Variants in DPP10 observed in about 807,000 individuals in gnomAD.
DPP10 encodes the protein dipeptidyl peptidase like 10, also known as inactive dipeptidyl peptidase 10.
A neutral mutation model predicts 120.9 loss-of-function variants in DPP10; 33 were observed. The observed-to-expected ratio is 0.27, with a 90% CI of 0.21 to 0.37. DPP10 has a LOEUF of 0.37. Ranked by LOEUF, DPP10 falls within the 10% of genes least tolerant of loss-of-function variation. The probability of loss-of-function intolerance (pLI) is 1.00; values close to 1 mark genes in which losing one functional copy is unlikely to be tolerated. For synonymous variants in DPP10, 337 were observed against 326.1 expected (o/e 1.03, Z -0.36); for missense variants, 816 against 942.8 (o/e 0.87, Z 1.76).
intron 8 of DPP10, among the ~76,000 whole-genome samples, chr2:115,736,662 C>T (rs1676541604): frequency 1.3e-5 from 2 of 152,020 alleles, no homozygotes; most frequent in Admixed American, 1.3e-4. Context: ...TTCCTCATTA[C>T]ATTATCTCAA....
At chr2:114,665,561 A>C (rs1220238448) in intron 1 of DPP10, among the ~76,000 whole-genome samples, 1 of 152,230 alleles carries the variant, frequency 6.6e-6, no homozygotes, top group African/African-American at 2.4e-5. Flanking sequence ...GGAAGCTGTC[A>C]TTGGAATGTC....
intron 1 of DPP10, among the ~76,000 whole-genome samples, chr2:114,930,992 G>A (rs762245827): frequency 5.3e-5 from 8 of 152,206 alleles, no homozygotes; most frequent in Non-Finnish European, 1.2e-4. Context: ...GGGACCAAAT[G>A]TCAACATGAG....
chr2:115,086,300 A>C (rs1053229847), intron 1 of DPP10, among the ~76,000 whole-genome samples: 3 of 152,086 alleles, frequency 2.0e-5, no homozygotes, highest in Non-Finnish European at 4.4e-5. Context: ...CTTAACCCGA[A>C]TATTTCTTTT....
At chr2:114,473,486 T>C (rs1680109034) in intron 1 of DPP10, among the ~76,000 whole-genome samples, 3 of 152,228 alleles carry the variant, frequency 2.0e-5, no homozygotes, top group Admixed American at 2.0e-4. Context: ...AGATTTAATT[T>C]TTTGAAGATC....
chr2:115,340,125 A>T (rs1011893506), intron 2 of DPP10, among the ~76,000 whole-genome samples: 2 of 152,228 alleles, frequency 1.3e-5, no homozygotes, highest in Non-Finnish European at 2.9e-5. Flanking sequence ...AAATGCATAC[A>T]TAGTATAATT....
At chr2:114,583,145 C>CTTA (rs1179447701) in intron 1 of DPP10, among the ~76,000 whole-genome samples, 1 of 152,056 alleles carries the variant, frequency 6.6e-6, no homozygotes, top group Non-Finnish European at 1.5e-5. Context: ...ATTGTATGTC[C>CTTA]CATATTTTGT....
chr2:115,376,027 G>A (rs934646665), intron 3 of DPP10, among the ~76,000 whole-genome samples: 2 of 152,096 alleles, frequency 1.3e-5, no homozygotes, highest in African/African-American at 4.8e-5. Context: ...GCCCAGAAAT[G>A]AGGCATTAGT....
chr2:114,654,294 A>G (rs1265609897), intron 1 of DPP10, among the ~76,000 whole-genome samples: 1 of 152,172 alleles, frequency 6.6e-6, no homozygotes, highest in Non-Finnish European at 1.5e-5. Flanking sequence ...TTCCCATTAC[A>G]TGACTTTTGA....
intron 1 of DPP10, among the ~76,000 whole-genome samples, chr2:114,896,020 G>A (rs1314595343): frequency 1.3e-5 from 2 of 151,950 alleles, no homozygotes; most frequent in Non-Finnish European, 2.9e-5. Context: ...TTTTTCTCAG[G>A]TTTGTCAAAG....
At chr2:115,507,901 A>G (rs1352987625) in intron 4 of DPP10, among the ~76,000 whole-genome samples, 1 of 152,126 alleles carries the variant, frequency 6.6e-6, no homozygotes, top group African/African-American at 2.4e-5. Context: ...TGGAGAAGGT[A>G]AAAAGTAGGT....
intron 5 of DPP10, among the ~76,000 whole-genome samples, chr2:115,681,573 A>C (rs1031229467): frequency 2.6e-5 from 4 of 151,810 alleles, no homozygotes; most frequent in African/African-American, 9.7e-5. Context: ...GTAATAACCA[A>C]AAAATTTCCA....
chr2:115,411,972 G>A (rs1414736186), intron 3 of DPP10, among the ~76,000 whole-genome samples: 1 of 152,132 alleles, frequency 6.6e-6, no homozygotes, highest in African/African-American at 2.4e-5. Context: ...TTTTAAGAAA[G>A]CAATTGCAGG....
At chr2:115,033,897 T>C (rs1221677999) in intron 1 of DPP10, among the ~76,000 whole-genome samples, 1 of 132,750 alleles carries the variant, frequency 7.5e-6, no homozygotes, top group East Asian at 2.1e-4. Flanking sequence ...CTTTTTCTTT[T>C]TTTTTTTTTT....
intron 1 of DPP10, among the ~76,000 whole-genome samples, chr2:115,118,405 C>A (rs1181630420): frequency 6.6e-6 from 1 of 152,128 alleles, no homozygotes; most frequent in Non-Finnish European, 1.5e-5. Flanking sequence ...CAATATTAGG[C>A]AATTTTTAAA....
chr2:114,883,444 A>G (rs1691809494), intron 1 of DPP10, among the ~76,000 whole-genome samples: 1 of 152,216 alleles, frequency 6.6e-6, no homozygotes, highest in Non-Finnish European at 1.5e-5. Flanking sequence ...TCATCCTTCC[A>G]GTAAGCAGCT....
chr2:114,868,226 T>C (rs777379588), intron 1 of DPP10, among the ~76,000 whole-genome samples: 1 of 152,182 alleles, frequency 6.6e-6, no homozygotes, highest in Non-Finnish European at 1.5e-5. Flanking sequence ...GCTGAATCCT[T>C]GATTAGGCCT....
chr2:115,841,123 C>T (rs1690097847), intron 25 of DPP10, among the ~76,000 whole-genome samples: 1 of 151,948 alleles, frequency 6.6e-6, no homozygotes, highest in Admixed American at 6.6e-5. Flanking sequence ...TTCCTTTTAT[C>T]TTTTCTTCCT....
intron 5 of DPP10, among the ~76,000 whole-genome samples, chr2:115,668,412 C>T (rs547969013): frequency 6.6e-6 from 1 of 152,182 alleles, no homozygotes; most frequent in African/African-American, 2.4e-5. Context: ...GCTCATTCAC[C>T]ATGTGATGCC....
intron 1 of DPP10, among the ~76,000 whole-genome samples, chr2:114,738,401 GC>G (rs781551064): frequency 1.3e-5 from 2 of 152,150 alleles, no homozygotes; most frequent in Non-Finnish European, 2.9e-5. Flanking sequence ...TTCTCTCACT[GC>G]TATGGGACAC....
Sources: allele counts gnomAD v4.1 joint callset (sites outside exome capture counted in the v4.1 genomes callset), GRCh38; gene constraint gnomAD v4.1.1; transcripts MANE v1.5; gene names NCBI Gene and HGNC (gene_info 2026-07-23, HGNC 2026-07-21).